The following PID1 variants were observed in gnomAD, a reference collection of about 807,000 sequenced individuals.
PID1 encodes PTB-containing, cubilin and LRP1-interacting protein.
Under a neutral mutation model 19.1 loss-of-function variants are expected in PID1, and 10 were observed. That is an observed-to-expected ratio of 0.52 (90% CI 0.32 to 0.89). The LOEUF is 0.89. Ranked by LOEUF, PID1 falls within the 40% of genes least tolerant of loss-of-function variation. The probability of loss-of-function intolerance (pLI) is 0.03; values close to 1 mark genes in which losing one functional copy is unlikely to be tolerated. For synonymous variants in PID1, 130 were observed against 116.0 expected, an observed-to-expected ratio of 1.12 and a Z score of -0.78; for missense variants, 248 against 285.3, an observed-to-expected ratio of 0.87 and a Z score of 0.94.
chr2:229,211,712 T>C (rs1235807932), intron 1 of PID1, among the ~76,000 whole-genome samples: 1 of 152,192 alleles, frequency 6.6e-6, no homozygotes, highest in Non-Finnish European at 1.5e-5. Flanking sequence ...GGACTTTCCT[T>C]CCCACTATTG....
At chr2:229,089,270 T>C (rs192869130) in intron 2 of PID1, among the ~76,000 whole-genome samples, 1 of 152,330 alleles carries the variant, frequency 6.6e-6, no homozygotes, top group East Asian at 1.9e-4. Flanking sequence ...TAAAGGTGTC[T>C]GAAAACACTG....
chr2:229,054,142 T>C (rs529901663), intron 2 of PID1, among the ~76,000 whole-genome samples: 1 of 152,220 alleles, frequency 6.6e-6, no homozygotes, highest in Non-Finnish European at 1.5e-5. Flanking sequence ...AAACACAAAG[T>C]GAACCCCAAT....
At position 229,220,700 on chromosome 2, in the gene PID1, G is replaced by A. The variant is rs139685466; in HGVS notation, c.30+50314C>T. ...ACTTCTGTAAACTCAGTGTTTGCCC[G>A]TATCAAATAGCACTCCACCTCCGCA... is the stretch of plus-strand genomic sequence containing the variant. On this transcript the variant is annotated intron_variant, in intron 1 of 2. Transcript: ENST00000392055. Among the ~76,000 whole-genome samples, 191 of 152,230 alleles carry A rather than the reference G, an allele frequency of 1.3e-3. 1 individual carries two copies. Among genetic ancestry groups the A allele is most frequent in the African/African-American group, 3.9e-3 (163 of 41,544 alleles).
intron 1 of PID1, among the ~76,000 whole-genome samples, chr2:229,216,884 TA>T (rs139518548): frequency 0.15 from 22,156 of 152,010 alleles, 2,123 homozygotes; most frequent in Non-Finnish European, 0.21. Flanking sequence ...TATATACATA[TA>T]TTTTTTTAAA....
intron 1 of PID1, among the ~76,000 whole-genome samples, chr2:229,199,879 A>T (rs1691459612): frequency 1.3e-5 from 2 of 151,926 alleles, no homozygotes; most frequent in Non-Finnish European, 2.9e-5. Flanking sequence ...CACATATAGC[A>T]AAGAAATTTA....
intron 1 of PID1, among the ~76,000 whole-genome samples, chr2:229,213,599 T>C (rs1041069859): frequency 2.6e-5 from 4 of 152,202 alleles, no homozygotes; most frequent in African/African-American, 9.6e-5. Flanking sequence ...TCTCAGTCAA[T>C]AACATGTTGA....
At chr2:229,047,238 A>G (rs1390518072) in intron 2 of PID1, among the ~76,000 whole-genome samples, 1 of 152,180 alleles carries the variant, frequency 6.6e-6, no homozygotes, top group Non-Finnish European at 1.5e-5. Flanking sequence ...CAGAGTTAGA[A>G]TCAACCCTGG....
intron 1 of PID1, among the ~76,000 whole-genome samples, chr2:229,218,258 C>T (rs745720251): frequency 5.6e-5 from 7 of 125,414 alleles, no homozygotes; most frequent in Non-Finnish European, 7.9e-5. Context: ...TTTTTTATCA[C>T]TTGAAATAAC....
intron 2 of PID1, among the ~76,000 whole-genome samples, chr2:229,043,427 A>G (rs1323218913): frequency 6.6e-6 from 1 of 152,244 alleles, no homozygotes; most frequent in Non-Finnish European, 1.5e-5. Context: ...AGTCATTGCC[A>G]AGAAGTGTAT....
chr2:229,221,786 G>A (rs564108292), intron 1 of PID1, among the ~76,000 whole-genome samples: 1 of 152,262 alleles, frequency 6.6e-6, no homozygotes, highest in African/African-American at 2.4e-5. Flanking sequence ...AACTCAACAC[G>A]GAACCTGGCA....
intron 1 of PID1, among the ~76,000 whole-genome samples, chr2:229,201,419 C>T (rs998792130): frequency 1.3e-5 from 2 of 151,974 alleles, no homozygotes; most frequent in Non-Finnish European, 1.5e-5. Context: ...GCATAATGCC[C>T]TCAAGGTTCA....
At chr2:229,060,410 G>C (rs1295081072) in intron 2 of PID1, among the ~76,000 whole-genome samples, 2 of 152,058 alleles carry the variant, frequency 1.3e-5, no homozygotes, top group East Asian at 3.8e-4. Context: ...TTCTCATAAT[G>C]TTCTTCAGAT....
chr2:229,232,925 C>T (rs1476618897), intron 1 of PID1, among the ~76,000 whole-genome samples: 1 of 151,624 alleles, frequency 6.6e-6, no homozygotes, highest in East Asian at 1.9e-4. Context: ...AACAGAAAGT[C>T]ACTCCGAGTT....
chr2:229,207,311 A>G (rs1314725842), intron 1 of PID1, among the ~76,000 whole-genome samples: 1 of 152,006 alleles, frequency 6.6e-6, no homozygotes, highest in East Asian at 1.9e-4. Flanking sequence ...CCATGAGGCC[A>G]TAAGTATGGG....
chr2:229,227,959 C>T (rs753291374), intron 1 of PID1: 21 of 455,878 alleles, frequency 4.6e-5, no homozygotes, highest in South Asian at 1.9e-4. Flanking sequence ...TTTCATACCA[C>T]GGTCTTGACT....
intron 1 of PID1, among the ~76,000 whole-genome samples, chr2:229,198,160 C>G (rs1691417957): frequency 6.6e-6 from 1 of 151,998 alleles, no homozygotes; most frequent in Non-Finnish European, 1.5e-5. Context: ...GAAAAATCTT[C>G]CCGAAATTTA....
chr2:229,265,480 T>C (rs898502012), intron 1 of PID1, among the ~76,000 whole-genome samples: 1 of 152,228 alleles, frequency 6.6e-6, no homozygotes, highest in African/African-American at 2.4e-5. Context: ...AGCAGCTAAA[T>C]AGGGATCACA....
At chr2:229,214,344 G>C (rs553454848) in intron 1 of PID1, among the ~76,000 whole-genome samples, 2 of 152,120 alleles carry the variant, frequency 1.3e-5, no homozygotes, top group African/African-American at 4.8e-5. Flanking sequence ...CCCCCATCCG[G>C]AGCAAGCATG....
chr2:229,267,449 C>T (rs1690618915), intron 1 of PID1, among the ~76,000 whole-genome samples: 1 of 152,144 alleles, frequency 6.6e-6, no homozygotes, highest in Admixed American at 6.5e-5. Flanking sequence ...TTATAGAATG[C>T]CTCATGAGAA....
Sources: allele counts gnomAD v4.1 joint callset (sites outside exome capture counted in the v4.1 genomes callset), GRCh38; gene constraint gnomAD v4.1.1; transcripts MANE v1.5; gene names NCBI Gene and HGNC (gene_info 2026-07-23, HGNC 2026-07-21).